Variants in IGF1R observed in about 807,000 individuals in gnomAD.
IGF1R encodes the protein insulin-like growth factor 1 receptor.
A neutral mutation model predicts 144.6 loss-of-function variants in IGF1R; 44 were observed. The ratio of observed to expected loss-of-function variants is 0.30; its 90% confidence interval spans 0.24 to 0.39. The LOEUF (loss-of-function observed/expected upper bound fraction) is 0.39. IGF1R is among the 10% of genes least tolerant of loss of function. The pLI, the probability that IGF1R is intolerant of heterozygous loss-of-function variation, is 1.00. For missense variants in IGF1R, 1,355 were observed against 1,833.7 expected, an observed-to-expected ratio of 0.74 and a Z score of 4.77; for synonymous variants, 795 against 722.8, an observed-to-expected ratio of 1.10 and a Z score of -1.60.
intron 2 of IGF1R, among the ~76,000 whole-genome samples, chr15:98,848,708 G>C (rs1485464706): frequency 1.3e-5 from 2 of 152,112 alleles, no homozygotes; most frequent in Non-Finnish European, 2.9e-5. Flanking sequence ...TTATTGTTAA[G>C]ACTATCACCC....
intron 5 of IGF1R, among the ~76,000 whole-genome samples, chr15:98,907,884 G>C (rs148046029): frequency 6.6e-6 from 1 of 152,220 alleles, no homozygotes; most frequent in African/African-American, 2.4e-5. Flanking sequence ...GGTTCTCCAC[G>C]TGTGGTCCAG....
At chr15:98,797,559 T>A (rs2056273709) in intron 2 of IGF1R, among the ~76,000 whole-genome samples, 1 of 152,064 alleles carries the variant, frequency 6.6e-6, no homozygotes, top group Non-Finnish European at 1.5e-5. Flanking sequence ...AGCGGGGTGG[T>A]GTTTTCAGGT....
At chr15:98,879,246 A>G (rs1433981177) in intron 2 of IGF1R, among the ~76,000 whole-genome samples, 1 of 152,254 alleles carries the variant, frequency 6.6e-6, no homozygotes. Context: ...GGATGATTTC[A>G]GAGTACACTA....
At chr15:98,852,339 G>A (rs1316284375) in intron 2 of IGF1R, among the ~76,000 whole-genome samples, 3 of 152,112 alleles carry the variant, frequency 2.0e-5, no homozygotes, top group East Asian at 1.9e-4. Flanking sequence ...AGAGGGAGCG[G>A]GCACCCCGCG....
At chr15:98,786,632 G>A (rs2056004414) in intron 2 of IGF1R, among the ~76,000 whole-genome samples, 1 of 152,172 alleles carries the variant, frequency 6.6e-6, no homozygotes, top group Non-Finnish European at 1.5e-5. Context: ...CTAATACAGT[G>A]AAAAACCACT....
chr15:98,742,076 T>C (rs1022522570), intron 2 of IGF1R, among the ~76,000 whole-genome samples: 6 of 152,222 alleles, frequency 3.9e-5, no homozygotes, highest in Non-Finnish European at 7.3e-5. Flanking sequence ...GGTCTGTCCC[T>C]GCTAAGCCAA....
At chr15:98,812,895 T>C (rs961099462) in intron 2 of IGF1R, among the ~76,000 whole-genome samples, 5 of 152,220 alleles carry the variant, frequency 3.3e-5, no homozygotes, top group African/African-American at 1.2e-4. Context: ...CTGTGAAATG[T>C]ACTGTTGTTG....
intron 2 of IGF1R, among the ~76,000 whole-genome samples, chr15:98,728,435 CT>C (rs1333838939): frequency 6.6e-6 from 1 of 152,222 alleles, no homozygotes; most frequent in Non-Finnish European, 1.5e-5. Flanking sequence ...AGAAGTGGCC[CT>C]CTTCACATCA....
At chr15:98,706,899 G>A (rs2053877523) in intron 1 of IGF1R, among the ~76,000 whole-genome samples, 2 of 149,946 alleles carry the variant, frequency 1.3e-5, no homozygotes, top group Admixed American at 6.6e-5. Flanking sequence ...ACTTAAAGTT[G>A]GAGTTTATGC....
chr15:98,931,646 T>C (rs1390454262), intron 15 of IGF1R, among the ~76,000 whole-genome samples: 1 of 151,792 alleles, frequency 6.6e-6, no homozygotes, highest in East Asian at 1.9e-4. Flanking sequence ...TCTGGACGGA[T>C]GCACACCACA....
intron 7 of IGF1R, 75 bp downstream of exon 7, chr15:98,911,516 A>C (rs886813418): frequency 6.3e-7 from 1 of 1,596,910 alleles, no homozygotes; most frequent in African/African-American, 1.3e-5. Flanking sequence ...TCGATCCTTG[A>C]ATGGGCTGGC....
At chr15:98,788,896 T>C (rs2056067621) in intron 2 of IGF1R, among the ~76,000 whole-genome samples, 1 of 152,250 alleles carries the variant, frequency 6.6e-6, no homozygotes, top group African/African-American at 2.4e-5. Context: ...TCTCCGTAGT[T>C]ATTTCTAGCA....
At chr15:98,748,290 C>T (rs1216511004) in intron 2 of IGF1R, among the ~76,000 whole-genome samples, 1 of 152,168 alleles carries the variant, frequency 6.6e-6, no homozygotes, top group Non-Finnish European at 1.5e-5. Flanking sequence ...TTTCAGCCTC[C>T]TGAGTAGCTG....
intron 20 of IGF1R, among the ~76,000 whole-genome samples, chr15:98,955,270 A>C (rs1310351229): frequency 6.6e-6 from 1 of 152,196 alleles, no homozygotes; most frequent in African/African-American, 2.4e-5. Flanking sequence ...CTTTTCCATA[A>C]AAGTGGCCAC....
intron 2 of IGF1R, among the ~76,000 whole-genome samples, chr15:98,713,715 T>C (rs1325441720): frequency 3.9e-5 from 6 of 152,188 alleles, no homozygotes; most frequent in African/African-American, 1.4e-4. Flanking sequence ...GCCTGTTGTT[T>C]GCTTGCTGTG....
chr15:98,763,770 C>T (rs535826745), intron 2 of IGF1R, among the ~76,000 whole-genome samples: 13 of 152,286 alleles, frequency 8.5e-5, no homozygotes, highest in African/African-American at 3.1e-4. Context: ...AGACTCCTGA[C>T]CGAATAAAGC....
chr15:98,653,901 C>T (rs1187490756), intron 1 of IGF1R, among the ~76,000 whole-genome samples: 1 of 152,162 alleles, frequency 6.6e-6, no homozygotes, highest in Non-Finnish European at 1.5e-5. Flanking sequence ...AATCTGGTTT[C>T]ATTTGTTTTG....
chr15:98,711,460 C>T (rs886521922), intron 2 of IGF1R, among the ~76,000 whole-genome samples: 1 of 152,094 alleles, frequency 6.6e-6, no homozygotes, highest in Non-Finnish European at 1.5e-5. Flanking sequence ...GACTCTACTC[C>T]CTCTATGGAC....
At chr15:98,685,804 C>T (rs2053313054) in intron 1 of IGF1R, among the ~76,000 whole-genome samples, 1 of 152,246 alleles carries the variant, frequency 6.6e-6, no homozygotes, top group Admixed American at 6.5e-5. Context: ...ATTGCCCAGC[C>T]TTGGAGCCGC....
Sources: gnomAD v4.1 joint callset for allele counts (sites outside exome capture counted in the v4.1 genomes callset) on GRCh38, gnomAD v4.1.1 for gene constraint, MANE v1.5 for transcripts, NCBI Gene and HGNC (gene_info 2026-07-23, HGNC 2026-07-21) for gene names.